ELMO1: variants seen among roughly 807,000 people sequenced by gnomAD.
ELMO1 encodes engulfment and cell motility protein 1.
A neutral mutation model predicts 98.9 loss-of-function variants in ELMO1; 26 were observed. The ratio of observed to expected loss-of-function variants is 0.26; its 90% CI spans 0.19 to 0.36. ELMO1 has a LOEUF of 0.36. Among genes scored for constraint, ELMO1 ranks in the 10% least tolerant of loss-of-function variants. The pLI is 1.00. For synonymous variants in ELMO1, 346 were observed against 346.0 expected, an observed-to-expected ratio of 1.00 and a Z score of 0.00; for missense variants, 627 against 935.2, an observed-to-expected ratio of 0.67 and a Z score of 4.30.
chr7:37,098,823 A>T (rs1348153337), intron 14 of ELMO1, among the ~76,000 whole-genome samples: 1 of 152,192 alleles, frequency 6.6e-6, no homozygotes, highest in Admixed American at 6.5e-5. Context: ...GCTCCTAATG[A>T]TGGGAGAAAT....
Position 36,982,974 on chromosome 7 carries a change from G to A in ELMO1, c.1437+30325C>T, listed in dbSNP as rs551441512. ...CTGGGCCCGCCTCCCCTGCTCACAA[G>A]GTCTTGAGAAAGCATGGTAGTCCTG... On this transcript the variant is annotated intron_variant, in intron 16 of 21. Coordinates refer to ENST00000310758, the MANE Select transcript of ELMO1 (RefSeq NM_014800.11). 5.3e-5 allele frequency among the ~76,000 whole-genome samples: 8 copies of A among 152,314 alleles called. No individual in the cohort carries two copies. In the East Asian group the frequency reaches 1.3e-3, roughly 26 times the overall value.
intron 14 of ELMO1, among the ~76,000 whole-genome samples, chr7:37,111,574 C>T (rs1785252943): frequency 6.6e-6 from 1 of 152,206 alleles, no homozygotes; most frequent in Non-Finnish European, 1.5e-5. Context: ...AAAGTCACCA[C>T]CAGAGCTGTC....
intron 15 of ELMO1, among the ~76,000 whole-genome samples, chr7:37,072,413 C>T (rs911446518): frequency 2.6e-5 from 4 of 151,892 alleles, no homozygotes; most frequent in Non-Finnish European, 4.4e-5. Context: ...CATCCACGTA[C>T]GATGTGACTG....
At chr7:37,239,764 C>T (rs762372930) in intron 7 of ELMO1, among the ~76,000 whole-genome samples, 1 of 152,188 alleles carries the variant, frequency 6.6e-6, no homozygotes, top group African/African-American at 2.4e-5. Context: ...ATAAACAGTG[C>T]CTCTTAGAGG....
chr7:37,431,352 T>A (rs113903954), intron 1 of ELMO1, among the ~76,000 whole-genome samples: 5 of 61,668 alleles, frequency 8.1e-5, no homozygotes, highest in African/African-American at 1.5e-4. Flanking sequence ...TAAAAAAAAA[T>A]TAATTAATTT....
At chr7:37,047,071 CTGT>C (rs1188482201) in intron 15 of ELMO1, among the ~76,000 whole-genome samples, 1 of 152,186 alleles carries the variant, frequency 6.6e-6, no homozygotes, top group African/African-American at 2.4e-5. Flanking sequence ...TAGGTAGTCA[CTGT>C]TGTTGCTTAT....
chr7:37,013,644 G>T, intron 15 of ELMO1: 1 of 548,598 alleles, frequency 1.8e-6, no homozygotes, highest in East Asian at 3.2e-5. Flanking sequence ...CCTAGCCTTA[G>T]ACACATATTT....
intron 4 of ELMO1, among the ~76,000 whole-genome samples, chr7:37,306,205 T>TA (rs1429123566): frequency 6.6e-6 from 1 of 152,210 alleles, no homozygotes; most frequent in East Asian, 1.9e-4. Flanking sequence ...CCTTAGCACC[T>TA]AATCTAGTAC....
intron 16 of ELMO1, among the ~76,000 whole-genome samples, chr7:36,985,736 G>C (rs1791451666): frequency 6.6e-6 from 1 of 152,188 alleles, no homozygotes; most frequent in Non-Finnish European, 1.5e-5. Flanking sequence ...CTACAAATCG[G>C]ATCAGACCCA....
chr7:36,941,796 A>G (rs1787061955), intron 16 of ELMO1, among the ~76,000 whole-genome samples: 1 of 152,234 alleles, frequency 6.6e-6, no homozygotes, highest in African/African-American at 2.4e-5. Context: ...CATTTGGAAG[A>G]TACTGCATTC....
rs551299076 is a variant in ELMO1, at chr7:37,087,823, A to T, written c.1300+8796T>A. Among the ~76,000 whole-genome samples, 14 of 152,276 alleles carry T rather than the reference A, an allele frequency of 9.2e-5. No individual in the cohort carries two copies. In the South Asian group the frequency reaches 2.9e-3, roughly 32 times the overall value. On this transcript the variant is annotated intron_variant, in intron 15 of 21. Coordinates refer to ENST00000310758, the MANE Select transcript of ELMO1 (RefSeq NM_014800.11). The stretch of plus-strand genomic sequence containing the variant: ...AATTTTTAGGGGAAGTGAGGCCAGG[A>T]ATGAAAGAAAAAGAAAAGGGTATGT...
At chr7:37,018,201 AC>A (rs1794060792) in intron 15 of ELMO1, among the ~76,000 whole-genome samples, 1 of 150,574 alleles carries the variant, frequency 6.6e-6, no homozygotes, top group Admixed American at 6.6e-5. Flanking sequence ...ATCTCAGCTC[AC>A]CACAACCTCC....
chr7:37,247,513 G>C (rs1013800136), intron 6 of ELMO1, among the ~76,000 whole-genome samples: 2 of 152,162 alleles, frequency 1.3e-5, no homozygotes, highest in Non-Finnish European at 2.9e-5. Flanking sequence ...AGTTGAGTGT[G>C]ACAAGAATTA....
At chr7:36,894,246 A>T (rs1280811089) in intron 17 of ELMO1, among the ~76,000 whole-genome samples, 1 of 152,214 alleles carries the variant, frequency 6.6e-6, no homozygotes, top group African/African-American at 2.4e-5. Context: ...ACATTTTGCA[A>T]TGGTTGCAAG....
chr7:36,966,337 G>GTT (rs1789428242), intron 16 of ELMO1, among the ~76,000 whole-genome samples: 1 of 152,188 alleles, frequency 6.6e-6, no homozygotes, highest in African/African-American at 2.4e-5. Flanking sequence ...CAGCGTGAAG[G>GTT]TTATTTATAT....
At chr7:37,222,281 G>C (rs1033608267) in intron 10 of ELMO1, among the ~76,000 whole-genome samples, 2 of 152,126 alleles carry the variant, frequency 1.3e-5, no homozygotes, top group Non-Finnish European at 1.5e-5. Flanking sequence ...AGGTCGCAGG[G>C]GCTCCTAACT....
chr7:37,409,701 T>G (rs539253897), intron 1 of ELMO1, among the ~76,000 whole-genome samples: 1 of 152,324 alleles, frequency 6.6e-6, no homozygotes, highest in African/African-American at 2.4e-5. Flanking sequence ...AGAGCTACAC[T>G]GCAGAGCAAG....
chr7:37,130,386 T>C (rs929347271), intron 14 of ELMO1, among the ~76,000 whole-genome samples: 1 of 152,066 alleles, frequency 6.6e-6, no homozygotes, highest in Non-Finnish European at 1.5e-5. Flanking sequence ...GACAGAGTCC[T>C]GGGGGCCTGT....
At chr7:37,171,125 G>T (rs1470401532) in intron 13 of ELMO1, among the ~76,000 whole-genome samples, 1 of 152,160 alleles carries the variant, frequency 6.6e-6, no homozygotes, top group East Asian at 1.9e-4. Flanking sequence ...CTTACCTGAT[G>T]TATTTTTCTT....
Sources: gnomAD v4.1 joint callset for allele counts (sites outside exome capture counted in the v4.1 genomes callset) on GRCh38, gnomAD v4.1.1 for gene constraint, MANE v1.5 for transcripts, NCBI Gene and HGNC (gene_info 2026-07-23, HGNC 2026-07-21) for gene names.